FAM184A: variants seen among roughly 807,000 people sequenced by gnomAD.
The protein encoded by FAM184A is protein FAM184A.
FAM184A carries 99 observed loss-of-function variants against 143.8 expected under a neutral mutation model. That is an observed-to-expected ratio of 0.69 (90% CI 0.58 to 0.81). The LOEUF is 0.81. Ranked by LOEUF, FAM184A falls within the 40% of genes least tolerant of loss-of-function variation. The pLI is 0.00. For synonymous variants in FAM184A, 427 were observed against 446.4 expected (o/e 0.96, Z 0.55); for missense variants, 1,217 against 1,310.5 (o/e 0.93, Z 1.10).
In FAM184A at chr6:118,959,995, A is replaced by G. The variant is rs1045217578; in HGVS notation, c.*108T>C. Reference sequence around the variant, plus strand: ...GCATTTTCAAGTTGGAGAGACAAATACTTTCTCATTCACAGTGTTTGACAT... The same window carrying G: ...GCATTTTCAAGTTGGAGAGACAAATGCTTTCTCATTCACAGTGTTTGACAT... On this transcript the variant is annotated 3_prime_UTR_variant, in exon 18 of 18. Coordinates refer to ENST00000338891, the MANE Select transcript of FAM184A (RefSeq NM_024581.6). 1.3e-6 allele frequency: 1 copy of G among 761,082 alleles called. No individual in the cohort carries two copies. Among genetic ancestry groups the G allele is most frequent in the Non-Finnish European group, 2.1e-6 (1 of 481,770 alleles). 47.1% of individuals were successfully genotyped at this position (761,082 alleles called of 1,614,324 possible). A position where few individuals can be genotyped will look rare whatever the true frequency, so the allele number is the denominator to read the frequency against.
intron 6 of FAM184A, among the ~76,000 whole-genome samples, chr6:119,007,331 AAAT>A (rs1447987688): frequency 6.6e-6 from 1 of 152,208 alleles, no homozygotes; most frequent in Non-Finnish European, 1.5e-5. Flanking sequence ...GGTAATTTAA[AAAT>A]AATACCTATT....
At chr6:119,041,404 AG>A (rs1786324362) in intron 1 of FAM184A, among the ~76,000 whole-genome samples, 1 of 152,214 alleles carries the variant, frequency 6.6e-6, no homozygotes, top group Non-Finnish European at 1.5e-5. Flanking sequence ...TCGGCCAATC[AG>A]GTAGTAAAGA....
chr6:119,056,569 TTCA>T (rs1218847403), intron 1 of FAM184A, among the ~76,000 whole-genome samples: 1 of 152,238 alleles, frequency 6.6e-6, no homozygotes, highest in African/African-American at 2.4e-5. Context: ...TCTAGCACAG[TTCA>T]TCAACTCACT....
At position 118,960,340 on chromosome 6, in the gene FAM184A, G is replaced by A. The variant is rs146291929; in HGVS notation, c.3342-156C>T. On this transcript the variant is annotated intron_variant, in intron 17 of 17. Coordinates refer to ENST00000338891, the MANE Select transcript of FAM184A (RefSeq NM_024581.6). ...TTGCTACCCCCTCTATACTAGAATC[G>A]GTTCTCCACTCCATGAGAGCATAAG... Among the ~76,000 whole-genome samples, 8 of 152,202 alleles carry A rather than the reference G, an allele frequency of 5.3e-5. No homozygotes were observed. In the East Asian group the frequency reaches 5.8e-4, roughly 11 times the overall value.
chr6:119,006,052 A>G (rs190441995), intron 7 of FAM184A: 1 of 763,780 alleles, frequency 1.3e-6, no homozygotes, highest in African/African-American at 1.7e-5. Context: ...TTAAGTTAAG[A>G]TGATGTCAAA....
chr6:119,117,411 C>G (rs926116349), intron 1 of FAM184A, among the ~76,000 whole-genome samples: 12 of 152,220 alleles, frequency 7.9e-5, no homozygotes, highest in African/African-American at 2.9e-4. Context: ...CCTGGCTAGT[C>G]CTTTTCGTAC....
At chr6:119,035,433 G>A (rs1193053010) in intron 1 of FAM184A, among the ~76,000 whole-genome samples, 3 of 152,142 alleles carry the variant, frequency 2.0e-5, no homozygotes, top group South Asian at 2.1e-4. Flanking sequence ...AGGTTTACAG[G>A]ACGCACAGCA....
upstream of FAM184A, among the ~76,000 whole-genome samples, chr6:119,080,815 TAGTCTGTTCTCAC>T (rs1788040890): frequency 6.6e-6 from 1 of 152,158 alleles, no homozygotes; most frequent in Non-Finnish European, 1.5e-5. Context: ...CACCCTGTAT[TAGTCTGTTCTCAC>T]ATTGCTATAA....
chr6:119,049,058 C>A (rs898531618), intron 1 of FAM184A, among the ~76,000 whole-genome samples: 2 of 152,156 alleles, frequency 1.3e-5, no homozygotes, highest in Non-Finnish European at 2.9e-5. Context: ...CAAGGCAATC[C>A]TAAGCAAAAA....
rs1490138215 is a variant in FAM184A at position 118,960,034 on chromosome 6, T to G, written c.*69A>C. On this transcript the variant is annotated 3_prime_UTR_variant, in exon 18 of 18. Transcript: ENST00000338891. The stretch of plus-strand genomic sequence containing the variant: ...AGTGTTTGACATAGGAAAGCCTATT[T>G]ACATAACAATCTGTATAAAGTCATG... 9.5e-6 allele frequency: 12 copies of G among 1,268,536 alleles called. No individual in the cohort carries two copies. The highest frequency in any genetic ancestry group is 1.1e-5 in the Non-Finnish European group (10 of 900,010). The allele number at this position is 1,268,536 out of a possible 1,614,324, so 78.6% of individuals were successfully genotyped here.
intron 16 of FAM184A, chr6:118,963,565 G>C (rs1040460619): frequency 6.6e-6 from 1 of 152,002 alleles, no homozygotes; most frequent in Non-Finnish European, 1.5e-5. Flanking sequence ...GTAAAGGAAG[G>C]ATAGATTCAG....
chr6:119,131,661 A>G (rs966621609), intron 1 of FAM184A, among the ~76,000 whole-genome samples: 1 of 151,364 alleles, frequency 6.6e-6, no homozygotes, highest in Non-Finnish European at 1.5e-5. Flanking sequence ...AATTTAAAAA[A>G]TTTTTTTTTT....
intron 9 of FAM184A, among the ~76,000 whole-genome samples, chr6:118,996,511 CTT>C (rs1400045211): frequency 1.3e-5 from 2 of 152,120 alleles, no homozygotes; most frequent in Non-Finnish European, 2.9e-5. Context: ...CACTATTTCT[CTT>C]TAGTCTTTTT....
At chr6:119,102,808 GAAAAGAA>G (rs1788679210) in intron 1 of FAM184A, among the ~76,000 whole-genome samples, 3 of 87,484 alleles carry the variant, frequency 3.4e-5, no homozygotes, top group African/African-American at 4.3e-5. Context: ...AAAAAAAAAA[GAAAAGAA>G]AAAAGAAAAG....
At position 118,961,876 on chromosome 6, in the gene FAM184A, C is replaced by T; in HGVS notation, c.3226G>A (p.Gly1076Arg). The change falls in exon 17 of 18, where the codon GGA (glycine) becomes AGA (arginine). Residue 1076 changes from glycine to arginine, a missense_variant. Coordinates refer to ENST00000338891, the MANE Select transcript of FAM184A (RefSeq NM_024581.6). ...ATGGGATCCAGGCGGTTAGGATGTC[C>T]ATTGCCCACTCCACCAGATTCCAGA... is the stretch of plus-strand genomic sequence containing the variant. Reference protein sequence around the residue: ...SALESGGVGNGHPNRLDPIPN... With the variant: ...SALESGGVGNRHPNRLDPIPN... 1 of 1,613,872 alleles carries T rather than the reference C, an allele frequency of 6.2e-7. No homozygotes were observed. Among genetic ancestry groups the T allele is most frequent in the Non-Finnish European group, 8.5e-7 (1 of 1,179,874 alleles).
chr6:118,965,812 G>A (rs1783485097), intron 15 of FAM184A, among the ~76,000 whole-genome samples: 1 of 152,160 alleles, frequency 6.6e-6, no homozygotes, highest in South Asian at 2.1e-4. Flanking sequence ...CACCTCCTCA[G>A]TAAGAACTGG....
intron 2 of FAM184A, among the ~76,000 whole-genome samples, chr6:119,023,356 T>C (rs1221284426): frequency 3.3e-5 from 5 of 152,144 alleles, no homozygotes; most frequent in African/African-American, 1.2e-4. Context: ...ACAAAACTTG[T>C]GGACTTCCGG....
At chr6:119,104,434 T>A (rs1406813757) in intron 1 of FAM184A, among the ~76,000 whole-genome samples, 1 of 152,232 alleles carries the variant, frequency 6.6e-6, no homozygotes, top group Non-Finnish European at 1.5e-5. Context: ...GCAAGGATAA[T>A]GTCTCAGGTT....
intron 12 of FAM184A, 102 bp from the exon 13 acceptor site, chr6:118,975,310 A>C (rs1783813246): frequency 3.6e-6 from 3 of 839,580 alleles, no homozygotes; most frequent in Admixed American, 3.0e-5. Context: ...AAATGTAATC[A>C]TTCTGACATT....
Sources: allele counts gnomAD v4.1 joint callset (sites outside exome capture counted in the v4.1 genomes callset), GRCh38; gene constraint gnomAD v4.1.1; transcripts MANE v1.5; gene names NCBI Gene and HGNC (gene_info 2026-07-23, HGNC 2026-07-21).